The following SLC24A2 variants were observed in gnomAD, a reference collection of about 807,000 sequenced individuals.
SLC24A2 encodes the protein solute carrier family 24 member 2.
SLC24A2 carries 36 observed loss-of-function variants against 62.0 expected under a neutral mutation model. The ratio of observed to expected loss-of-function variants is 0.58; its 90% CI spans 0.44 to 0.77. SLC24A2 has a LOEUF of 0.77. Ranked by LOEUF, SLC24A2 falls within the 30% of genes least tolerant of loss-of-function variation. The pLI is 0.00. For synonymous variants in SLC24A2, 358 were observed against 294.0 expected (o/e 1.22, Z -2.23); for missense variants, 846 against 817.9 (o/e 1.03, Z -0.42).
chr9:20,074,589 GGAAGGAAGGAAGGAAAGA>G, the SLC24A2 span, among the ~76,000 whole-genome samples: 2 of 92,086 alleles, frequency 2.2e-5, no homozygotes, highest in East Asian at 5.2e-4. Flanking sequence ...AAGGAAGGAA[GGAAGGAAGGAAGGAAAGA>G]AGGGAGTGAG....
At chr9:20,197,051 T>C in the SLC24A2 span, among the ~76,000 whole-genome samples, 4 of 152,200 alleles carry the variant, frequency 2.6e-5, no homozygotes, top group African/African-American at 4.8e-5. Context: ...ATGTTGAACA[T>C]TGGATTAGGT....
intron 4 of SLC24A2, among the ~76,000 whole-genome samples, chr9:19,597,685 C>A (rs1230621174): frequency 1.3e-5 from 2 of 152,140 alleles, no homozygotes; most frequent in Non-Finnish European, 2.9e-5. Context: ...TGATTCCTTG[C>A]CACAGAACAG....
the SLC24A2 span, among the ~76,000 whole-genome samples, chr9:19,891,914 A>AATT: frequency 5.1e-3 from 770 of 152,276 alleles, 1 homozygote; most frequent in African/African-American, 0.016. Flanking sequence ...TTGGGGATCA[A>AATT]ATTTTAATAT....
chr9:19,677,739 G>C (rs1819601625), intron 2 of SLC24A2, among the ~76,000 whole-genome samples: 2 of 151,078 alleles, frequency 1.3e-5, no homozygotes, highest in South Asian at 2.1e-4. Context: ...AATATACAAA[G>C]TGGTATACAT....
chr9:20,258,321 G>C, the SLC24A2 span, among the ~76,000 whole-genome samples: 2 of 152,334 alleles, frequency 1.3e-5, no homozygotes, highest in East Asian at 3.9e-4. Context: ...TCTGTTCAAA[G>C]AGAAACACAG....
intron 5 of SLC24A2, among the ~76,000 whole-genome samples, chr9:19,579,723 C>A (rs1372983509): frequency 6.6e-6 from 1 of 152,142 alleles, no homozygotes; most frequent in Non-Finnish European, 1.5e-5. Context: ...GTCCTAAAGT[C>A]ATGAATCATG....
the SLC24A2 span, among the ~76,000 whole-genome samples, chr9:20,246,979 G>T: frequency 1.4e-4 from 22 of 152,294 alleles, no homozygotes; most frequent in Admixed American, 1.3e-3. Context: ...TGTGCTACAT[G>T]ACCATTATAC....
chr9:20,254,833 G>A, the SLC24A2 span, among the ~76,000 whole-genome samples: 1 of 152,212 alleles, frequency 6.6e-6, no homozygotes, highest in Non-Finnish European at 1.5e-5. Flanking sequence ...AATTACACAT[G>A]GCTGGGGAGG....
intron 2 of SLC24A2, among the ~76,000 whole-genome samples, chr9:19,628,052 A>C (rs1291263375): frequency 6.6e-6 from 1 of 152,212 alleles, no homozygotes; most frequent in Non-Finnish European, 1.5e-5. Context: ...GAATGTATTA[A>C]TATCTTTTAC....
the SLC24A2 span, among the ~76,000 whole-genome samples, chr9:19,914,385 A>G: frequency 2.0e-5 from 3 of 152,048 alleles, no homozygotes; most frequent in Non-Finnish European, 4.4e-5. Flanking sequence ...ACCTTATACA[A>G]AAGACCCTAC....
chr9:19,533,943 T>G (rs1485780657), intron 8 of SLC24A2, among the ~76,000 whole-genome samples: 1 of 152,246 alleles, frequency 6.6e-6, no homozygotes, highest in Non-Finnish European at 1.5e-5. Context: ...CAAACCAATA[T>G]GCTTTGTGAA....
At chr9:20,043,578 C>G in the SLC24A2 span, among the ~76,000 whole-genome samples, 1 of 152,098 alleles carries the variant, frequency 6.6e-6, no homozygotes, top group Non-Finnish European at 1.5e-5. Context: ...TGATTCCAGC[C>G]CTCATAGATG....
At chr9:19,649,992 G>C (rs944276859) in intron 2 of SLC24A2, among the ~76,000 whole-genome samples, 23 of 152,322 alleles carry the variant, frequency 1.5e-4, no homozygotes, top group African/African-American at 5.3e-4. Flanking sequence ...CTGCGGGGTT[G>C]AATTCTAACT....
At chr9:19,652,624 C>G (rs997940792) in intron 2 of SLC24A2, among the ~76,000 whole-genome samples, 1 of 152,112 alleles carries the variant, frequency 6.6e-6, no homozygotes, top group African/African-American at 2.4e-5. Context: ...CACACCCCAA[C>G]CAACATCTTG....
chr9:19,698,861 A>G (rs186891671), intron 2 of SLC24A2, among the ~76,000 whole-genome samples: 64 of 152,322 alleles, frequency 4.2e-4, no homozygotes, highest in African/African-American at 1.5e-3. Context: ...CTTTGCTCAC[A>G]AAGTATGGCA....
At chr9:19,711,277 A>C (rs12553505) in intron 2 of SLC24A2, among the ~76,000 whole-genome samples, 1 of 152,164 alleles carries the variant, frequency 6.6e-6, no homozygotes, top group Non-Finnish European at 1.5e-5. Context: ...TGACGGCTAA[A>C]GTTGTATGTG....
chr9:20,170,800 A>G, the SLC24A2 span, among the ~76,000 whole-genome samples: 6 of 152,060 alleles, frequency 3.9e-5, no homozygotes, highest in Non-Finnish European at 5.9e-5. Context: ...ATTTAGTGGA[A>G]GAATAGAGGA....
intron 2 of SLC24A2, among the ~76,000 whole-genome samples, chr9:19,780,845 C>A (rs1329747555): frequency 4.2e-5 from 6 of 143,180 alleles, no homozygotes; most frequent in African/African-American, 1.3e-4. Context: ...CGCTCTCCAG[C>A]CTGGGCGACA....
chr9:19,571,608 C>A (rs955885391), intron 7 of SLC24A2, among the ~76,000 whole-genome samples: 1 of 152,156 alleles, frequency 6.6e-6, no homozygotes, highest in African/African-American at 2.4e-5. Context: ...AGACTCTAGG[C>A]CTCATGGCAG....
Sources: allele counts gnomAD v4.1 joint callset (sites outside exome capture counted in the v4.1 genomes callset), GRCh38; gene constraint gnomAD v4.1.1; transcripts MANE v1.5; gene names NCBI Gene and HGNC (gene_info 2026-07-23, HGNC 2026-07-21).